Variants in CNTN5 observed in about 807,000 individuals in gnomAD.
The protein encoded by CNTN5 is contactin-5.
A neutral mutation model predicts 129.1 loss-of-function variants in CNTN5; 77 were observed. The observed-to-expected ratio is 0.60, with a 90% CI of 0.50 to 0.72. CNTN5 has a LOEUF of 0.72. Ranked by LOEUF, CNTN5 falls within the 30% of genes least tolerant of loss-of-function variation. The pLI is 0.00. For synonymous variants in CNTN5, 509 were observed against 465.6 expected, an observed-to-expected ratio of 1.09 and a Z score of -1.20; for missense variants, 1,478 against 1,328.8, an observed-to-expected ratio of 1.11 and a Z score of -1.75.
chr11:99,898,242 A>C (rs1949260708), intron 6 of CNTN5, among the ~76,000 whole-genome samples: 1 of 152,080 alleles, frequency 6.6e-6, no homozygotes, highest in Non-Finnish European at 1.5e-5. Context: ...GTTTGAGGCC[A>C]AAAAATGATA....
At chr11:99,885,318 G>A (rs995429365) in intron 6 of CNTN5, among the ~76,000 whole-genome samples, 2 of 151,856 alleles carry the variant, frequency 1.3e-5, no homozygotes, top group Non-Finnish European at 2.9e-5. Flanking sequence ...AGAAAAGAGA[G>A]AAAACAAAAG....
chr11:99,640,807 A>G (rs530654837), intron 3 of CNTN5, among the ~76,000 whole-genome samples: 32 of 152,338 alleles, frequency 2.1e-4, no homozygotes, highest in Middle Eastern at 3.4e-3. Flanking sequence ...ATTGCCTGAC[A>G]GCACATTTCT....
intron 4 of CNTN5, among the ~76,000 whole-genome samples, chr11:99,833,680 T>C (rs1023767676): frequency 3.9e-5 from 6 of 152,206 alleles, no homozygotes; most frequent in African/African-American, 1.4e-4. Flanking sequence ...AGAGCATCTG[T>C]ACTACTGCTC....
At chr11:100,250,103 C>G (rs1949933867) in intron 16 of CNTN5, among the ~76,000 whole-genome samples, 1 of 152,002 alleles carries the variant, frequency 6.6e-6, no homozygotes, top group African/African-American at 2.4e-5. Flanking sequence ...CTATAACGCT[C>G]TCAGTTTCTA....
intron 3 of CNTN5, among the ~76,000 whole-genome samples, chr11:99,643,894 A>C (rs1951857380): frequency 6.6e-6 from 1 of 152,180 alleles, no homozygotes. Flanking sequence ...TTTTTGAAAC[A>C]ATATATGTGG....
At chr11:99,162,325 G>A (rs1295744550) in intron 1 of CNTN5, among the ~76,000 whole-genome samples, 1 of 151,596 alleles carries the variant, frequency 6.6e-6, no homozygotes, top group East Asian at 1.9e-4. Context: ...TGTAGAAAAT[G>A]CACTTTGTTC....
intron 1 of CNTN5, among the ~76,000 whole-genome samples, chr11:99,280,628 C>G (rs1441322688): frequency 1.3e-5 from 2 of 151,688 alleles, no homozygotes; most frequent in Admixed American, 6.6e-5. Context: ...GACCCAATCT[C>G]TGATGGCTTT....
chr11:99,953,158 C>CT (rs978378213), intron 7 of CNTN5, among the ~76,000 whole-genome samples: 316 of 151,834 alleles, frequency 2.1e-3, no homozygotes, highest in African/African-American at 6.5e-3. Context: ...CATTCTCACA[C>CT]TTTTTTTTTG....
chr11:99,522,693 A>G (rs1003307597), intron 2 of CNTN5, among the ~76,000 whole-genome samples: 3 of 152,192 alleles, frequency 2.0e-5, no homozygotes, highest in African/African-American at 7.2e-5. Flanking sequence ...TCATATGATT[A>G]ATATAGTAGG....
chr11:100,092,903 G>A (rs559964530), intron 13 of CNTN5, among the ~76,000 whole-genome samples: 19 of 152,170 alleles, frequency 1.2e-4, no homozygotes, highest in African/African-American at 4.1e-4. Flanking sequence ...AACAAGATGT[G>A]CTTTTTAACA....
chr11:99,435,182 T>A (rs2135122976), intron 2 of CNTN5, among the ~76,000 whole-genome samples: 1 of 152,304 alleles, frequency 6.6e-6, no homozygotes, highest in East Asian at 1.9e-4. Context: ...TTTCATTATA[T>A]AAAGGGCAAT....
At chr11:99,577,581 ATG>A (rs1187244087) in intron 3 of CNTN5, among the ~76,000 whole-genome samples, 17 of 152,160 alleles carry the variant, frequency 1.1e-4, no homozygotes, top group Non-Finnish European at 2.2e-4. Flanking sequence ...ATTAAAAATA[ATG>A]TGTGACAGAT....
intron 15 of CNTN5, among the ~76,000 whole-genome samples, chr11:100,210,193 A>G (rs904044352): frequency 5.1e-5 from 7 of 138,260 alleles, no homozygotes; most frequent in African/African-American, 1.9e-4. Flanking sequence ...AAAAAAAAAA[A>G]TACAAAAAAT....
intron 3 of CNTN5, among the ~76,000 whole-genome samples, chr11:99,657,489 A>G (rs1952420506): frequency 6.6e-6 from 1 of 152,154 alleles, no homozygotes; most frequent in Admixed American, 6.6e-5. Flanking sequence ...AATTCCTTGT[A>G]TATCACTGTA....
At chr11:99,844,622 T>G in intron 4 of CNTN5, 1 of 505,228 alleles carries the variant, frequency 2.0e-6, no homozygotes. Flanking sequence ...AGGTTTGTTT[T>G]TTATGTATTA....
intron 23 of CNTN5, among the ~76,000 whole-genome samples, chr11:100,345,491 A>G (rs1314579534): frequency 2.6e-5 from 4 of 152,020 alleles, no homozygotes; most frequent in African/African-American, 9.7e-5. Context: ...TTCTTACTCG[A>G]TTTCAGACAT....
chr11:99,943,385 G>T (rs12574777), intron 7 of CNTN5, among the ~76,000 whole-genome samples: 62,823 of 151,502 alleles, frequency 0.41, 13,334 homozygotes, highest in South Asian at 0.5. Flanking sequence ...ATGGGGTTGT[G>T]TTTTTTCTTG....
chr11:99,060,465 C>T (rs902805018), intron 1 of CNTN5, among the ~76,000 whole-genome samples: 2 of 152,000 alleles, frequency 1.3e-5, no homozygotes, highest in African/African-American at 4.8e-5. Context: ...CTAAAGCTAT[C>T]ATAGTTGAAA....
intron 1 of CNTN5, among the ~76,000 whole-genome samples, chr11:99,219,195 G>A (rs1190795190): frequency 6.6e-6 from 1 of 151,808 alleles, no homozygotes; most frequent in African/African-American, 2.4e-5. Context: ...AGATAAGTGG[G>A]CCCTTCAGAG....
Sources: gnomAD v4.1 joint callset for allele counts (sites outside exome capture counted in the v4.1 genomes callset) on GRCh38, gnomAD v4.1.1 for gene constraint, MANE v1.5 for transcripts, NCBI Gene and HGNC (gene_info 2026-07-23, HGNC 2026-07-21) for gene names.